Variants in AGO3 observed in about 807,000 individuals in gnomAD.
AGO3 encodes protein argonaute-3.
A neutral mutation model predicts 105.5 loss-of-function variants in AGO3; 16 were observed. The ratio of observed to expected loss-of-function variants is 0.15; its 90% CI spans 0.10 to 0.23. The LOEUF is 0.23. Among genes scored for constraint, AGO3 ranks in the 10% least tolerant of loss-of-function variants. AGO3 has a pLI of 1.00. For synonymous variants in AGO3, 340 were observed against 367.3 expected, an observed-to-expected ratio of 0.93 and a Z score of 0.85; for missense variants, 534 against 1,088.0, an observed-to-expected ratio of 0.49 and a Z score of 7.16.
chr1:36,040,179 T>A (rs1481611952), intron 15 of AGO3, 128 bp from the exon 16 acceptor site: 2 of 1,203,586 alleles, frequency 1.7e-6, no homozygotes, highest in Admixed American at 5.5e-5. Flanking sequence ...TAATAATCGT[T>A]AAAATGGAAT....
At position 35,939,092 on chromosome 1, in the gene AGO3, C is replaced by G. The variant is rs552375344; in HGVS notation, c.20-6600C>G. Among the ~76,000 whole-genome samples the G allele has an allele frequency of 2.2e-3, 339 of 152,134 alleles. 3 individuals are homozygous for G. The highest frequency in any genetic ancestry group is 0.013 in the Admixed American group (199 of 15,298). ...TTTGTATTTCTGTGTAGTTATATTT[C>G]CAACTCTAGTGGGCAGTATGTATTT... On this transcript the variant is annotated intron_variant, in intron 1 of 18. Transcript: ENST00000373191.
In AGO3 at chr1:36,056,606, A is replaced by G. The variant is rs1459353779; in HGVS notation, c.*861A>G. The G allele has an allele frequency of 6.6e-6, 1 of 152,140 alleles. No individual in the cohort carries two copies. The highest frequency in any genetic ancestry group is 1.9e-4 in the East Asian group (1 of 5,204). 9.4% of individuals were successfully genotyped at this position (152,140 alleles called of 1,614,324 possible). On this transcript the variant is annotated 3_prime_UTR_variant, in exon 19 of 19. Coordinates refer to ENST00000373191, the MANE Select transcript of AGO3 (RefSeq NM_024852.4). The stretch of plus-strand genomic sequence containing the variant: ...TACATACACAGACACAGACACACAC[A>G]TATATATACATAAAATAACTTTCTG...
At chr1:35,947,951 G>T (rs1254046157) in intron 2 of AGO3, among the ~76,000 whole-genome samples, 1 of 152,170 alleles carries the variant, frequency 6.6e-6, no homozygotes, top group Admixed American at 6.5e-5. Context: ...CAGCTACTCT[G>T]AAGGCTGAGG....
chr1:36,032,239 T>C lies in AGO3; in HGVS notation c.1592-1935T>C, dbSNP rs888452233. 1.2e-3 allele frequency among the ~76,000 whole-genome samples: 178 copies of C among 152,208 alleles called. 2 individuals carry two copies. Among genetic ancestry groups the C allele is most frequent in the African/African-American group, 4.1e-3 (170 of 41,460 alleles). On this transcript the variant is annotated intron_variant, in intron 12 of 18. Coordinates refer to ENST00000373191, the MANE Select transcript of AGO3 (RefSeq NM_024852.4). ...TGTTTGTTATTCTCTGGCTTTTTGA[T>C]AGTAGCCATCCTAATGGGTGTGAAG...
chr1:35,983,046 G>A (rs1450889048), intron 5 of AGO3: 1 of 166,924 alleles, frequency 6.0e-6, no homozygotes, highest in East Asian at 1.6e-4. Context: ...TTCAGGCATG[G>A]GCTGAAGCAG....
chr1:36,017,185 C>G (rs1054905617), intron 11 of AGO3, among the ~76,000 whole-genome samples: 2 of 152,140 alleles, frequency 1.3e-5, no homozygotes, highest in Non-Finnish European at 2.9e-5. Context: ...AATATAGTAT[C>G]CCAGGGAGAC....
At chr1:35,937,520 A>G (rs1646172191) in intron 1 of AGO3, among the ~76,000 whole-genome samples, 1 of 152,034 alleles carries the variant, frequency 6.6e-6, no homozygotes, top group East Asian at 1.9e-4. Context: ...GTGAAACCCC[A>G]TCTCTATTAA....
chr1:35,932,553 CA>C lies in AGO3; in HGVS notation c.19+1111del, dbSNP rs1347718133. ...GGGAGATGAGATGGGGAGAGAGTTA[CA>C]AATTTTTTTTTTTTTTTTTTACAAA... On this transcript the variant is annotated intron_variant, in intron 1 of 18. Transcript: ENST00000373191. Among the ~76,000 whole-genome samples, 182 of 144,586 alleles carry C rather than the reference CA, an allele frequency of 1.3e-3. 1 individual carries two copies. The highest frequency in any genetic ancestry group is 5.0e-3 in the African/African-American group (181 of 36,378). 94.9% of individuals were successfully genotyped at this position (144,586 alleles called of 152,430 possible).
intron 4 of AGO3, among the ~76,000 whole-genome samples, chr1:35,972,775 C>CTT (rs993161295): frequency 6.6e-6 from 1 of 151,782 alleles, no homozygotes; most frequent in African/African-American, 2.4e-5. Context: ...ACCTCCCAGG[C>CTT]CTAAGCAATC....
At chr1:36,012,248 C>T (rs1640651260) in intron 9 of AGO3, among the ~76,000 whole-genome samples, 1 of 150,910 alleles carries the variant, frequency 6.6e-6, no homozygotes, top group South Asian at 2.1e-4. Context: ...GTGGGAGGAT[C>T]GCTTGGGCCC....
At chr1:35,983,758 G>T (rs1647104238) in intron 5 of AGO3, among the ~76,000 whole-genome samples, 1 of 152,166 alleles carries the variant, frequency 6.6e-6, no homozygotes, top group South Asian at 2.1e-4. Context: ...TGAGTTTTCT[G>T]CCAGGTATGA....
chr1:35,977,819 C>T (rs989411839), intron 5 of AGO3, among the ~76,000 whole-genome samples: 4 of 150,920 alleles, frequency 2.7e-5, no homozygotes, highest in Non-Finnish European at 5.9e-5. Context: ...TTATTTTTCT[C>T]CATCTTTTTC....
intron 5 of AGO3, among the ~76,000 whole-genome samples, chr1:35,987,300 C>T (rs1320259044): frequency 6.6e-6 from 1 of 151,614 alleles, no homozygotes; most frequent in Admixed American, 6.6e-5. Context: ...TGCGCTCCAG[C>T]CTGGGCGACA....
Position 35,973,735 on chromosome 1 carries a change from A to G in AGO3, c.658+224A>G, listed in dbSNP as rs1646908665. On this transcript the variant is annotated intron_variant, in intron 5 of 18. Coordinates refer to ENST00000373191, the MANE Select transcript of AGO3 (RefSeq NM_024852.4). ...ACATGAAGCAAGCACATGAAGACAG[A>G]TTTAAAAGCCCTGATGATTATCTGA... 1.1e-5 allele frequency: 4 copies of G among 356,912 alleles called. No individual in the cohort carries two copies. The East Asian group carries it at 1.7e-4, about 15-fold the overall frequency. 22.1% of individuals were successfully genotyped at this position (356,912 alleles called of 1,614,324 possible). A position where few individuals can be genotyped will look rare whatever the true frequency, so the allele number is the denominator to read the frequency against.
In AGO3 at chr1:36,064,470, G is replaced by A. The variant is rs886186851; in HGVS notation, c.*8725G>A. 14 of 152,300 alleles carry A rather than the reference G, an allele frequency of 9.2e-5. No individual in the cohort carries two copies. Among genetic ancestry groups the A allele is most frequent in the Non-Finnish European group, 1.6e-4 (11 of 68,022 alleles). 9.4% of individuals were successfully genotyped at this position (152,300 alleles called of 1,614,324 possible). A position where few individuals can be genotyped will look rare whatever the true frequency, so the allele number is the denominator to read the frequency against. On this transcript the variant is annotated 3_prime_UTR_variant, in exon 19 of 19. Coordinates refer to ENST00000373191, the MANE Select transcript of AGO3 (RefSeq NM_024852.4). ...TACTTGCATTGTATTTTTACATCAT[G>A]AATTTGCTTGTTAAGAAATTTCTTT...
intron 2 of AGO3, among the ~76,000 whole-genome samples, chr1:35,965,820 CTTTTTTTTT>C (rs925988577): frequency 8.3e-6 from 1 of 120,172 alleles, no homozygotes; most frequent in South Asian, 2.7e-4. Flanking sequence ...TTGAATCTCT[CTTTTTTTTT>C]TTTTTTTTTT....
At chr1:36,037,948 A>T (rs1474842767) in intron 14 of AGO3, among the ~76,000 whole-genome samples, 1 of 152,148 alleles carries the variant, frequency 6.6e-6, no homozygotes, top group Non-Finnish European at 1.5e-5. Context: ...TCTACCAAAT[A>T]CCCACTTTCT....
chr1:35,935,297 T>C (rs2148738569), intron 1 of AGO3, among the ~76,000 whole-genome samples: 1 of 152,332 alleles, frequency 6.6e-6, no homozygotes, highest in South Asian at 2.1e-4. Context: ...TAGATAACCT[T>C]CAAATATAAT....
chr1:36,013,611 A>AC lies in AGO3; in HGVS notation c.1150-19_1150-18insC, dbSNP rs755175988. ...TTGGGGGAATTTTGAGAGTAACTACAAACTTTTTCTATTTTTAGGTAAGAA... is the reference window on the plus strand; with the variant it reads ...TTGGGGGAATTTTGAGAGTAACTACACAACTTTTTCTATTTTTAGGTAAGAA... On this transcript the variant is annotated intron_variant, in intron 9 of 18. Transcript: ENST00000373191. The AC allele has an allele frequency of 3.7e-6, 6 of 1,612,330 alleles. No homozygotes were observed. Among genetic ancestry groups the AC allele is most frequent in the Non-Finnish European group, 5.1e-6 (6 of 1,178,780 alleles).
Sources: gnomAD v4.1 joint callset for allele counts (sites outside exome capture counted in the v4.1 genomes callset) on GRCh38, gnomAD v4.1.1 for gene constraint, MANE v1.5 for transcripts, NCBI Gene and HGNC (gene_info 2026-07-23, HGNC 2026-07-21) for gene names.